The following FGF14 variants were observed in gnomAD, a reference collection of about 807,000 sequenced individuals.
FGF14 encodes the protein fibroblast growth factor homologous factor 4.
In FGF14, 5 loss-of-function variants were observed where a neutral mutation model predicts 25.5. That is an observed-to-expected ratio of 0.20 (90% CI 0.10 to 0.41). FGF14 has a LOEUF of 0.41. FGF14 is among the 10% of genes least tolerant of loss of function. The pLI, the probability that FGF14 is intolerant of heterozygous loss-of-function variation, is 1.00. For missense variants in FGF14, 222 were observed against 320.1 expected (o/e 0.69, Z 2.34); for synonymous variants, 138 against 118.3 (o/e 1.17, Z -1.08).
chr13:101,941,139 A>G (rs2035422725), intron 1 of FGF14, among the ~76,000 whole-genome samples: 1 of 152,216 alleles, frequency 6.6e-6, no homozygotes, highest in African/African-American at 2.4e-5. Flanking sequence ...AGGACCTTAC[A>G]GCTCCAAATC....
chr13:102,378,101 G>A (rs2058082321), intron 1 of FGF14, among the ~76,000 whole-genome samples: 1 of 152,104 alleles, frequency 6.6e-6, no homozygotes, highest in Non-Finnish European at 1.5e-5. Context: ...GGGCAGTGAA[G>A]ATACTCTGCA....
chr13:102,138,652 C>T (rs1022006680), intron 1 of FGF14, among the ~76,000 whole-genome samples: 3 of 151,550 alleles, frequency 2.0e-5, no homozygotes, highest in African/African-American at 7.3e-5. Flanking sequence ...TCCAATGCCT[C>T]AGCCACCGAG....
intron 1 of FGF14, among the ~76,000 whole-genome samples, chr13:102,024,280 A>C (rs890051076): frequency 6.6e-6 from 1 of 152,060 alleles, no homozygotes; most frequent in Non-Finnish European, 1.5e-5. Context: ...CATTCTTGCC[A>C]ACACTTATTT....
At chr13:102,058,690 C>T (rs2042545328) in intron 1 of FGF14, among the ~76,000 whole-genome samples, 2 of 151,986 alleles carry the variant, frequency 1.3e-5, no homozygotes, top group African/African-American at 4.8e-5. Flanking sequence ...AATGCAATAC[C>T]TAGTTTGTAA....
rs2034510635 is a variant in FGF14 at position 101,712,372 on chromosome 13, A to C, written c.*10459T>G. 1.3e-5 allele frequency: 2 copies of C among 152,202 alleles called. No homozygotes were observed. The highest frequency in any genetic ancestry group is 2.9e-5 in the Non-Finnish European group (2 of 68,024). The allele number at this position is 152,202 out of a possible 1,614,324, so 9.4% of individuals were successfully genotyped here. ...ATCAAATGTTCTATCCATATATGCC[A>C]TATTAGCTTTAGCTGAGCTTACCAG... On this transcript the variant is annotated 3_prime_UTR_variant, in exon 5 of 5. Coordinates refer to ENST00000376143, the MANE Select transcript of FGF14 (RefSeq NM_004115.4).
At chr13:102,105,041 A>C (rs915643720) in intron 1 of FGF14, among the ~76,000 whole-genome samples, 1 of 152,236 alleles carries the variant, frequency 6.6e-6, no homozygotes, top group Non-Finnish European at 1.5e-5. Flanking sequence ...ATGCAAAGGA[A>C]AATATCAATT....
chr13:102,234,701 T>C lies in FGF14; in HGVS notation c.208+166770A>G, dbSNP rs184331016. Among the ~76,000 whole-genome samples the C allele has an allele frequency of 2.6e-3, 398 of 152,334 alleles. 3 individuals carry two copies. Among genetic ancestry groups the C allele is most frequent in the Non-Finnish European group, 4.6e-3 (314 of 68,030 alleles). ...TTATTCTCTCAAGTTCTGTACATAC[T>C]TCATTAATATATATACATATATATG... On this transcript the variant is annotated intron_variant, in intron 1 of 4. Coordinates refer to the FGF14 transcript ENST00000376131.
intron 1 of FGF14, among the ~76,000 whole-genome samples, chr13:101,897,508 T>C (rs956722332): frequency 2.0e-5 from 3 of 152,178 alleles, no homozygotes; most frequent in Non-Finnish European, 4.4e-5. Flanking sequence ...AATACACCTG[T>C]TGCCCAGAGT....
rs2034535527 is a variant in FGF14, at chr13:101,712,804, T to C, written c.*10027A>G. ...TGCCTAGAAATGTGAAAGAAAGTCT[T>C]CAAAATTAGGATAAAGAAATCTCTA... On this transcript the variant is annotated 3_prime_UTR_variant, in exon 5 of 5. Coordinates refer to ENST00000376143, the MANE Select transcript of FGF14 (RefSeq NM_004115.4). The C allele has an allele frequency of 6.6e-6, 1 of 152,116 alleles. No individual in the cohort carries two copies. The highest frequency in any genetic ancestry group is 1.5e-5 in the Non-Finnish European group (1 of 68,016). The allele number at this position is 152,116 out of a possible 1,614,324, so 9.4% of individuals were successfully genotyped here.
chr13:102,108,266 G>A (rs1242732925), intron 1 of FGF14, among the ~76,000 whole-genome samples: 3 of 152,096 alleles, frequency 2.0e-5, no homozygotes, highest in Non-Finnish European at 2.9e-5. Context: ...TTAACCCTGT[G>A]TTGCAAGTGT....
intron 1 of FGF14, among the ~76,000 whole-genome samples, chr13:101,996,846 C>T (rs2039212786): frequency 6.6e-6 from 1 of 152,126 alleles, no homozygotes; most frequent in Non-Finnish European, 1.5e-5. Context: ...CTCTACCTTC[C>T]AAACATAGAG....
At chr13:102,300,675 T>G (rs1016111841) in intron 1 of FGF14, among the ~76,000 whole-genome samples, 20 of 152,150 alleles carry the variant, frequency 1.3e-4, no homozygotes, top group Admixed American at 1.3e-3. Context: ...TAGATTTGTT[T>G]GAAATACTGT....
intron 1 of FGF14, among the ~76,000 whole-genome samples, chr13:102,167,001 T>A (rs2140646296): frequency 6.6e-6 from 1 of 152,112 alleles, no homozygotes; most frequent in Non-Finnish European, 1.5e-5. Flanking sequence ...ACGAAGAGGC[T>A]AATAAAGACA....
chr13:101,760,777 T>C (rs1296511832), intron 3 of FGF14, among the ~76,000 whole-genome samples: 1 of 152,184 alleles, frequency 6.6e-6, no homozygotes, highest in Non-Finnish European at 1.5e-5. Flanking sequence ...ATTTTTCTCT[T>C]CCCAATACCC....
At chr13:102,254,151 A>C (rs2052331713) in intron 1 of FGF14, among the ~76,000 whole-genome samples, 1 of 152,314 alleles carries the variant, frequency 6.6e-6, no homozygotes, top group Admixed American at 6.5e-5. Context: ...TAAGTTAACA[A>C]CCTTAAACAA....
chr13:102,070,589 A>G (rs1214927514), intron 1 of FGF14, among the ~76,000 whole-genome samples: 1 of 152,250 alleles, frequency 6.6e-6, no homozygotes, highest in Non-Finnish European at 1.5e-5. Flanking sequence ...TTCTATGATT[A>G]TTGCAGTACT....
upstream of FGF14, among the ~76,000 whole-genome samples, chr13:101,921,224 C>T (rs1445268926): frequency 6.6e-6 from 1 of 152,108 alleles, no homozygotes; most frequent in Non-Finnish European, 1.5e-5. Flanking sequence ...AACTTCTTGC[C>T]ACCTACCCCT....
intron 1 of FGF14, among the ~76,000 whole-genome samples, chr13:102,095,757 C>A (rs1296506550): frequency 1.3e-5 from 2 of 152,060 alleles, no homozygotes; most frequent in African/African-American, 4.8e-5. Flanking sequence ...ATAGCATTTT[C>A]TTTTCTCTAT....
At chr13:101,934,422 A>G (rs1475123830) in intron 1 of FGF14, among the ~76,000 whole-genome samples, 1 of 152,188 alleles carries the variant, frequency 6.6e-6, no homozygotes, top group Non-Finnish European at 1.5e-5. Flanking sequence ...TAGATATCAG[A>G]AGAATTTTTG....
Sources: allele counts gnomAD v4.1 joint callset (sites outside exome capture counted in the v4.1 genomes callset), GRCh38; gene constraint gnomAD v4.1.1; transcripts MANE v1.5; gene names NCBI Gene and HGNC (gene_info 2026-07-23, HGNC 2026-07-21).